Variants in IKZF1 observed in about 807,000 individuals in gnomAD.
The protein encoded by IKZF1 is DNA-binding protein Ikaros.
IKZF1 carries 10 observed loss-of-function variants against 51.7 expected under a neutral mutation model. The ratio of observed to expected loss-of-function variants is 0.19; its 90% CI spans 0.12 to 0.33. IKZF1 has a LOEUF of 0.33. IKZF1 is among the 10% of genes least tolerant of loss of function. The probability of loss-of-function intolerance (pLI) is 1.00; values close to 1 mark genes in which losing one functional copy is unlikely to be tolerated. For missense variants in IKZF1, 484 were observed against 707.5 expected (o/e 0.68, Z 3.58); for synonymous variants, 280 against 282.3 (o/e 0.99, Z 0.08).
At chr7:50,396,622 T>C (rs143746839) in intron 7 of IKZF1, among the ~76,000 whole-genome samples, 3 of 152,356 alleles carry the variant, frequency 2.0e-5, no homozygotes, top group African/African-American at 4.8e-5. Context: ...GACATTTCTT[T>C]TCATCTTGCT....
chr7:50,337,318 C>G (rs1362255389), intron 3 of IKZF1, among the ~76,000 whole-genome samples: 2 of 152,156 alleles, frequency 1.3e-5, no homozygotes, highest in Admixed American at 6.5e-5. Flanking sequence ...GGATTAAAAT[C>G]TAACTAGCAG....
intron 4 of IKZF1, among the ~76,000 whole-genome samples, chr7:50,379,848 C>G (rs977618517): frequency 1.3e-5 from 2 of 152,160 alleles, no homozygotes; most frequent in African/African-American, 4.8e-5. Context: ...GAAGACTTCC[C>G]TTTTTACCCA....
At chr7:50,391,952 G>GA (rs1284072203) in intron 7 of IKZF1, 89 bp downstream of exon 7, 13 of 1,417,790 alleles carry the variant, frequency 9.2e-6, no homozygotes, top group Admixed American at 5.5e-5. Flanking sequence ...GGAAGAAAGG[G>GA]AAAAAAATCT....
Position 50,400,876 on chromosome 7 carries a change from C to T in IKZF1, c.*249C>T. Reference sequence around the variant, plus strand: ...GAACTGCTACCTTCCTAGATGTTTCCCCAGACCGCTGGCTGAGATTCCCTC... The same window carrying T: ...GAACTGCTACCTTCCTAGATGTTTCTCCAGACCGCTGGCTGAGATTCCCTC... On this transcript the variant is annotated 3_prime_UTR_variant, in exon 8 of 8. Transcript: ENST00000331340. This position sits in a 1 kb window ranked among gnomAD's most constrained non-coding sequence, Gnocchi z 5.4. The T allele has an allele frequency of 1.9e-6, 1 of 536,504 alleles. No individual in the cohort carries two copies. The highest frequency in any genetic ancestry group is 2.4e-5 in the South Asian group (1 of 42,478). The allele number at this position is 536,504 out of a possible 1,614,324, so 33.2% of individuals were successfully genotyped here.
intron 3 of IKZF1, chr7:50,368,034 T>C (rs1464980925): frequency 2.8e-6 from 2 of 702,034 alleles, no homozygotes; most frequent in Non-Finnish European, 5.2e-6. Context: ...ACTTTAGGGA[T>C]TTCCATGCAA....
chr7:50,364,344 A>G (rs1164540661), intron 3 of IKZF1, among the ~76,000 whole-genome samples: 1 of 152,276 alleles, frequency 6.6e-6, no homozygotes, highest in Non-Finnish European at 1.5e-5. Flanking sequence ...GCAGCATTTT[A>G]TATGAAAATG....
intron 3 of IKZF1, among the ~76,000 whole-genome samples, chr7:50,342,780 G>C (rs1412237149): frequency 6.6e-6 from 1 of 151,992 alleles, no homozygotes; most frequent in Non-Finnish European, 1.5e-5. Context: ...AATCTGCTCC[G>C]CAGTGTGCAG....
Position 50,376,316 on chromosome 7 carries a change from T to G in IKZF1, c.161-217T>G, listed in dbSNP as rs558514784. On this transcript the variant is annotated intron_variant, in intron 3 of 7. Transcript: ENST00000331340. The surrounding 1 kb of genome is among the most constrained non-coding windows in gnomAD (Gnocchi z 4.5). ...CCTATGGATGGAGAGGGCTGGCAGA[T>G]CTCCCTGTAACCCCAGGTGCATCCC... Among the ~76,000 whole-genome samples, 5 of 152,304 alleles carry G rather than the reference T, an allele frequency of 3.3e-5. No individual in the cohort carries two copies. The East Asian group carries it at 9.6e-4, about 29-fold the overall frequency.
At position 50,404,246 on chromosome 7, in the gene IKZF1, C is replaced by G. The variant is rs1818622347; in HGVS notation, c.*3619C>G. ...CAGCTTTAGGTCTTCAGCTGCCCTT[C>G]TGGCGAGTACATGCACAGGATTGTA... On this transcript the variant is annotated 3_prime_UTR_variant, in exon 8 of 8. Coordinates refer to ENST00000331340, the MANE Select transcript of IKZF1 (RefSeq NM_006060.6). The G allele has an allele frequency of 4.6e-6, 1 of 218,856 alleles. No individual in the cohort carries two copies. Among genetic ancestry groups the G allele is most frequent in the African/African-American group, 2.2e-5 (1 of 44,524 alleles). 13.6% of individuals were successfully genotyped at this position (218,856 alleles called of 1,614,324 possible). A position where few individuals can be genotyped will look rare whatever the true frequency, so the allele number is the denominator to read the frequency against.
rs140870718 is a variant in IKZF1, at chr7:50,374,564, T to C, written c.161-1969T>C. ...TTCCCTTATGGAGTCCTTGTGAAGG[T>C]TAAATGGCAGAGTACAATTAATGTG... On this transcript the variant is annotated intron_variant, in intron 3 of 7. Coordinates refer to ENST00000331340, the MANE Select transcript of IKZF1 (RefSeq NM_006060.6). 5.9e-5 allele frequency among the ~76,000 whole-genome samples: 9 copies of C among 152,334 alleles called. No homozygotes were observed. The South Asian group carries it at 1.0e-3, about 18-fold the overall frequency.
intron 3 of IKZF1, among the ~76,000 whole-genome samples, chr7:50,366,122 G>C (rs533029170): frequency 6.6e-6 from 1 of 152,220 alleles, no homozygotes; most frequent in East Asian, 1.9e-4. Flanking sequence ...TGGAGGGTGG[G>C]AGAAGGAAGA....
At chr7:50,397,351 T>C (rs1370616587) in intron 7 of IKZF1, among the ~76,000 whole-genome samples, 1 of 152,198 alleles carries the variant, frequency 6.6e-6, no homozygotes, top group Admixed American at 6.5e-5. Context: ...TTTTGTTGGG[T>C]ATTAAGGAAG....
rs1010505192 is a variant in IKZF1 at position 50,400,758 on chromosome 7, TTTTTG to T, written c.*136_*140del. On this transcript the variant is annotated 3_prime_UTR_variant, in exon 8 of 8. Transcript: ENST00000331340. The surrounding 1 kb of genome is among the most constrained non-coding windows in gnomAD (Gnocchi z 5.4). The stretch of plus-strand genomic sequence containing the variant: ...ATGTTGTGTTTGGATTTGTAACTGT[TTTTTG>T]TTTTTTGTTTGAGTTGGTTGATTGG... 6.8e-6 allele frequency: 8 copies of T among 1,184,274 alleles called. No homozygotes were observed. The African/African-American group carries it at 1.2e-4, about 18-fold the overall frequency. 73.4% of individuals were successfully genotyped at this position (1,184,274 alleles called of 1,614,324 possible).
intron 2 of IKZF1, among the ~76,000 whole-genome samples, chr7:50,325,645 G>C (rs1794774530): frequency 6.6e-6 from 1 of 151,994 alleles, no homozygotes; most frequent in Non-Finnish European, 1.5e-5. Context: ...CATGGTGGGG[G>C]ATACCTGTGG....
At chr7:50,307,770 G>A (rs966871271) in intron 1 of IKZF1, among the ~76,000 whole-genome samples, 1 of 152,184 alleles carries the variant, frequency 6.6e-6, no homozygotes, top group African/African-American at 2.4e-5. Flanking sequence ...TAGAAACGTA[G>A]AGTTTCAGAG....
intron 1 of IKZF1, among the ~76,000 whole-genome samples, chr7:50,307,992 A>T (rs929177242): frequency 6.6e-6 from 1 of 152,212 alleles, no homozygotes. Context: ...AGTTTAATAA[A>T]TGACTTCATA....
At chr7:50,343,981 T>C (rs1799732528) in intron 3 of IKZF1, among the ~76,000 whole-genome samples, 1 of 152,174 alleles carries the variant, frequency 6.6e-6, no homozygotes, top group East Asian at 1.9e-4. Flanking sequence ...AATTGTGAAG[T>C]CGTGAGAATT....
chr7:50,355,189 C>T (rs1057041548), intron 3 of IKZF1, among the ~76,000 whole-genome samples: 1 of 152,200 alleles, frequency 6.6e-6, no homozygotes, highest in Non-Finnish European at 1.5e-5. Context: ...TGCTTCCCAA[C>T]AGGCGGAAAT....
intron 1 of IKZF1, among the ~76,000 whole-genome samples, chr7:50,312,323 G>A (rs1790383150): frequency 6.6e-6 from 1 of 152,120 alleles, no homozygotes; most frequent in African/African-American, 2.4e-5. Context: ...AAGAGTGGAT[G>A]GTACAGTAGT....
Sources: gnomAD v4.1 joint callset for allele counts (sites outside exome capture counted in the v4.1 genomes callset) on GRCh38, gnomAD v4.1.1 for gene constraint, Gnocchi (gnomAD v3.1) non-coding constraint, MANE v1.5 for transcripts, NCBI Gene and HGNC (gene_info 2026-07-23, HGNC 2026-07-21) for gene names.